The following TRMT10B variants were observed in gnomAD, a reference collection of about 807,000 sequenced individuals.
TRMT10B encodes the protein tRNA methyltransferase 10 homolog B.
A neutral mutation model predicts 43.8 loss-of-function variants in TRMT10B; 33 were observed. That is an observed-to-expected ratio of 0.75 (90% CI 0.57 to 1.01). The LOEUF is 1.01. TRMT10B is among the 50% of genes least tolerant of loss of function. TRMT10B has a pLI of 0.00. For synonymous variants in TRMT10B, 137 were observed against 130.6 expected, an observed-to-expected ratio of 1.05 and a Z score of -0.34; for missense variants, 362 against 369.8, an observed-to-expected ratio of 0.98 and a Z score of 0.17.
chr9:37,776,542 A>G (rs1194583973), intron 8 of TRMT10B, 137 bp downstream of exon 8: 3 of 1,108,380 alleles, frequency 2.7e-6, no homozygotes, highest in Admixed American at 3.9e-5. Flanking sequence ...CATGACATAT[A>G]TTCTGGCCAC....
In TRMT10B at chr9:37,778,624, T is replaced by C. The variant is rs1427391676; in HGVS notation, c.*917T>C. On this transcript the variant is annotated 3_prime_UTR_variant, in exon 9 of 9. Coordinates refer to ENST00000297994, the MANE Select transcript of TRMT10B (RefSeq NM_144964.4). ...AGACCTCTTGAAATTGTTTAAATGG[T>C]TACATCAAGAGTTTAATATTCACTA... is the stretch of plus-strand genomic sequence containing the variant. 1 of 152,234 alleles carries C rather than the reference T, an allele frequency of 6.6e-6. No homozygotes were observed. Among genetic ancestry groups the C allele is most frequent in the Non-Finnish European group, 1.5e-5 (1 of 68,044 alleles). 9.4% of individuals were successfully genotyped at this position (152,234 alleles called of 1,614,324 possible). A position where few individuals can be genotyped will look rare whatever the true frequency, so the allele number is the denominator to read the frequency against.
intron 2 of TRMT10B, 102 bp downstream of exon 2, chr9:37,762,219 G>T: frequency 7.8e-7 from 1 of 1,281,466 alleles, no homozygotes; most frequent in South Asian, 1.6e-5. Flanking sequence ...GAGACGGAAT[G>T]AGTTTTGTGT....
chr9:37,773,639 T>C (rs982530070), intron 7 of TRMT10B, among the ~76,000 whole-genome samples: 7 of 152,144 alleles, frequency 4.6e-5, no homozygotes, highest in African/African-American at 9.7e-5. Flanking sequence ...ATCGATACCA[T>C]CCTGGCCAAC....
intron 4 of TRMT10B, among the ~76,000 whole-genome samples, chr9:37,765,102 GTATT>G (rs1826840248): frequency 6.6e-6 from 1 of 152,124 alleles, no homozygotes; most frequent in East Asian, 1.9e-4. Context: ...TTGATGAAAA[GTATT>G]TAATTATTTA....
In TRMT10B at chr9:37,777,617, CACTT is replaced by C. The variant is rs764071142; in HGVS notation, c.867_870del (p.Tyr289Ter). On this transcript the variant is annotated frameshift_variant, in exon 9 of 9. Coordinates refer to ENST00000297994, the MANE Select transcript of TRMT10B (RefSeq NM_144964.4). LOFTEE classifies it high-confidence loss of function. ...CTCTAACAGTGTTTGATATCCTGTC[CACTT>C]ACTTAGAGACTCACAACTGGCCTGA... The C allele has an allele frequency of 1.5e-5, 24 of 1,613,440 alleles. No homozygotes were observed. The highest frequency in any genetic ancestry group is 1.1e-4 in the East Asian group (5 of 44,884).
intron 7 of TRMT10B, among the ~76,000 whole-genome samples, chr9:37,774,247 C>T (rs1353770615): frequency 6.6e-6 from 1 of 152,180 alleles, no homozygotes; most frequent in Non-Finnish European, 1.5e-5. Flanking sequence ...AGTTACCCAC[C>T]TGCCTCACCC....
rs775989862 is a variant in TRMT10B at position 37,762,655 on chromosome 9, C to G, written c.265C>G (p.Arg89Gly). 6.3e-7 allele frequency: 1 copy of G among 1,591,876 alleles called. No individual in the cohort carries two copies. The highest frequency in any genetic ancestry group is 8.6e-7 in the Non-Finnish European group (1 of 1,167,872). The change falls in exon 3 of 9, where the codon CGA (arginine) becomes GGA (glycine). Residue 89 changes from arginine (R) to glycine (G), a missense_variant. Transcript: ENST00000297994. Reference sequence around the variant, plus strand: ...GAGCAAAAGAAAGCAAGAAAAAGAACGAAGAAAAGCCAATCGTGCAGAAAA... The same window carrying G: ...GAGCAAAAGAAAGCAAGAAAAAGAAGGAAGAAAAGCCAATCGTGCAGAAAA... ...KKSKRKQEKERRKANRAENPG... is the reference protein window; with the variant it reads ...KKSKRKQEKEGRKANRAENPG...
At chr9:37,769,870 T>C (rs1720942485) in intron 5 of TRMT10B, 71 bp from the exon 6 acceptor site, 1 of 1,226,824 alleles carries the variant, frequency 8.2e-7, no homozygotes, top group Admixed American at 1.7e-5. Flanking sequence ...CCCAAAGTTC[T>C]GGGATTACAG....
At chr9:37,764,908 C>T (rs1257341647) in intron 4 of TRMT10B, among the ~76,000 whole-genome samples, 2 of 151,912 alleles carry the variant, frequency 1.3e-5, no homozygotes. Context: ...TACAGGGCCA[C>T]GTGGGGATTG....
In TRMT10B at chr9:37,777,671, A is replaced by T. The variant is rs1328721922; in HGVS notation, c.915A>T (p.Ser305=). ...AAGCATTGAAGAAAGGAGTTTCTTC[A>T]GGAAAAGGCTATATTCTTCGGAACT... ...WPEALKKGVS[S]GKGYILRNSV... Residue 305 remains serine, a synonymous_variant, in exon 9 of 9, where the codon TCA becomes TCT. Coordinates refer to ENST00000297994, the MANE Select transcript of TRMT10B (RefSeq NM_144964.4). 6.2e-7 allele frequency: 1 copy of T among 1,613,912 alleles called. No individual in the cohort carries two copies. The highest frequency in any genetic ancestry group is 8.5e-7 in the Non-Finnish European group (1 of 1,179,958).
chr9:37,762,141 A>T (rs756551618), intron 2 of TRMT10B, 24 bp downstream of exon 2: 1 of 1,599,076 alleles, frequency 6.3e-7, no homozygotes, highest in African/African-American at 1.3e-5. Flanking sequence ...TTGCCTGGCC[A>T]TAGGCCTTGA....
chr9:37,777,371 T>C (rs973208050), intron 8 of TRMT10B, among the ~76,000 whole-genome samples: 1 of 150,066 alleles, frequency 6.7e-6, no homozygotes, highest in South Asian at 2.2e-4. Flanking sequence ...CCCATTTTAC[T>C]GTGTTCCTTT....
chr9:37,776,340 AG>A lies in TRMT10B; in HGVS notation c.781del (p.Glu261AsnfsTer30). 6.2e-7 allele frequency: 1 copy of A among 1,612,550 alleles called. No homozygotes were observed. The highest frequency in any genetic ancestry group is 8.5e-7 in the Non-Finnish European group (1 of 1,179,254). On this transcript the variant is annotated frameshift_variant, in exon 8 of 9. Transcript: ENST00000297994. LOFTEE classifies it high-confidence loss of function. ...GTCAAGACCGCACGCTTGCCAATCC[AG>A]GAATACATGGTCAGAAACCAGAATG... ...YSVKTARLPIQEYMVRNQNGK... is the reference protein window; with the variant it reads ...YSVKTARLPIXEYMVRNQNGK...
Position 37,760,535 on chromosome 9 carries a change from G to A in TRMT10B, c.-29-1368G>A, listed in dbSNP as rs112468037. ...CCTGTCTCAAAAATAGTAATAATAC[G>A]GACTGATTTAAGCGATTTGAATTCT... On this transcript the variant is annotated intron_variant, in intron 1 of 8. Coordinates refer to ENST00000297994, the MANE Select transcript of TRMT10B (RefSeq NM_144964.4). Among the ~76,000 whole-genome samples the A allele has an allele frequency of 1.2e-4, 19 of 152,214 alleles. 2 individuals are homozygous for A. The highest frequency in any genetic ancestry group is 4.1e-4 in the African/African-American group (17 of 41,540).
intron 8 of TRMT10B, 119 bp downstream of exon 8, chr9:37,776,524 A>G (rs1245254672): frequency 2.2e-5 from 27 of 1,246,234 alleles, no homozygotes; most frequent in African/African-American, 1.6e-5. Context: ...ACTTTATTGC[A>G]TGTACGTCAT....
intron 1 of TRMT10B, among the ~76,000 whole-genome samples, chr9:37,760,904 C>T (rs1018665107): frequency 3.9e-5 from 6 of 152,192 alleles, no homozygotes; most frequent in African/African-American, 1.4e-4. Flanking sequence ...ATTTCTGACT[C>T]ATATCGTTCA....
At chr9:37,769,307 TTAAAAAAAAAAAA>T (rs1255644433) in intron 5 of TRMT10B, among the ~76,000 whole-genome samples, 1 of 39,568 alleles carries the variant, frequency 2.5e-5, no homozygotes, top group East Asian at 4.4e-4. Flanking sequence ...GACCCTGTCT[TTAAAAAAAAAAAA>T]AAAAAAAAAA....
chr9:37,777,679 G>C lies in TRMT10B; in HGVS notation c.923G>C (p.Gly308Ala). Residue 308 changes from glycine (G) to alanine (A), a missense_variant, in exon 9 of 9, where the codon GGC becomes GCC. Physicochemically the swap from Gly to Ala is moderately conservative, Grantham distance 60. Coordinates refer to ENST00000297994, the MANE Select transcript of TRMT10B (RefSeq NM_144964.4). Reference protein sequence around the residue: ...ALKKGVSSGKGYILRNSVE With the variant: ...ALKKGVSSGKAYILRNSVE ...AAGAAAGGAGTTTCTTCAGGAAAAG[G>C]CTATATTCTTCGGAACTCAGTGGAA... is the stretch of plus-strand genomic sequence containing the variant. The C allele has an allele frequency of 6.2e-7, 1 of 1,613,926 alleles. No homozygotes were observed. Among genetic ancestry groups the C allele is most frequent in the Non-Finnish European group, 8.5e-7 (1 of 1,179,944 alleles).
chr9:37,775,698 T>TA (rs1213400391), intron 7 of TRMT10B, among the ~76,000 whole-genome samples: 1 of 152,058 alleles, frequency 6.6e-6, no homozygotes, highest in Non-Finnish European at 1.5e-5. Flanking sequence ...CACACCCTGT[T>TA]AATTTTTTTT....
Sources: gnomAD v4.1 joint callset for allele counts (sites outside exome capture counted in the v4.1 genomes callset) on GRCh38, gnomAD v4.1.1 for gene constraint, MANE v1.5 for transcripts, NCBI Gene and HGNC (gene_info 2026-07-23, HGNC 2026-07-21) for gene names.